Variants in SDK1 observed in about 807,000 individuals in gnomAD.
The protein encoded by SDK1 is sidekick cell adhesion molecule 1.
SDK1 carries 157 observed loss-of-function variants against 245.5 expected under a neutral mutation model. That is an observed-to-expected ratio of 0.64 (90% confidence interval 0.56 to 0.73). The LOEUF is 0.73. Among genes scored for constraint, SDK1 ranks in the 30% least tolerant of loss-of-function variants. The pLI is 0.00. For missense variants in SDK1, 3,583 were observed against 3,002.3 expected (o/e 1.19, Z -4.52); for synonymous variants, 1,647 against 1,278.5 (o/e 1.29, Z -6.15).
intron 4 of SDK1, among the ~76,000 whole-genome samples, chr7:3,769,316 G>T (rs913603361): frequency 2.5e-4 from 38 of 152,120 alleles, no homozygotes; most frequent in African/African-American, 7.5e-4. Flanking sequence ...CCTTTTGTTG[G>T]TGGGGACTCT....
At chr7:3,331,221 A>T (rs556646757) in intron 1 of SDK1, among the ~76,000 whole-genome samples, 1 of 152,102 alleles carries the variant, frequency 6.6e-6, no homozygotes, top group African/African-American at 2.4e-5. Context: ...CCGAGATTGC[A>T]CCACTGCACT....
At chr7:3,813,170 T>A (rs1257697525) in intron 4 of SDK1, among the ~76,000 whole-genome samples, 4 of 150,786 alleles carry the variant, frequency 2.7e-5, no homozygotes, top group Non-Finnish European at 5.9e-5. Flanking sequence ...TGCAGGTTAG[T>A]TACATATGTA....
Position 4,092,998 on chromosome 7 carries a change from CAAG to C in SDK1, c.3324+13418_3324+13420del, listed in dbSNP as rs1342169352. ...ATGCTAACCATTTTTAAAAGTGCAC[CAAG>C]AAGGTTTTATTACTTAGAGTTACCT... On this transcript the variant is annotated intron_variant, in intron 22 of 44. Coordinates refer to ENST00000404826, the MANE Select transcript of SDK1 (RefSeq NM_152744.4). Among the ~76,000 whole-genome samples, 6 of 152,022 alleles carry C rather than the reference CAAG, an allele frequency of 3.9e-5. No individual in the cohort carries two copies. In the East Asian group the frequency reaches 5.8e-4, roughly 15 times the overall value.
intron 1 of SDK1, among the ~76,000 whole-genome samples, chr7:3,303,197 GACTT>G (rs1779327544): frequency 6.6e-6 from 1 of 152,144 alleles, no homozygotes; most frequent in South Asian, 2.1e-4. Context: ...TTTGCTTAAT[GACTT>G]ACTCTGGAAG....
chr7:3,330,881 A>T (rs1018531096), intron 1 of SDK1, among the ~76,000 whole-genome samples: 7 of 146,380 alleles, frequency 4.8e-5, no homozygotes, highest in African/African-American at 1.8e-4. Flanking sequence ...CTGAGTTGGG[A>T]GGATTGCTTG....
chr7:4,229,376 A>T (rs1002008146), intron 40 of SDK1, among the ~76,000 whole-genome samples: 1 of 152,252 alleles, frequency 6.6e-6, no homozygotes, highest in African/African-American at 2.4e-5. Flanking sequence ...CTGTTAATTC[A>T]GAAGGAAATT....
chr7:3,921,936 A>T (rs1779599422), intron 5 of SDK1, among the ~76,000 whole-genome samples: 1 of 152,146 alleles, frequency 6.6e-6, no homozygotes. Context: ...AGTGCACTCC[A>T]GCCTGGGCAA....
intron 4 of SDK1, among the ~76,000 whole-genome samples, chr7:3,699,216 G>C (rs918969850): frequency 1.1e-4 from 16 of 152,212 alleles, no homozygotes. Flanking sequence ...CAGGTTTCTA[G>C]TGAAAATCAT....
chr7:4,107,448 C>T (rs868116824), intron 22 of SDK1, among the ~76,000 whole-genome samples: 68 of 151,824 alleles, frequency 4.5e-4, no homozygotes, highest in African/African-American at 1.5e-3. Context: ...GCTAAATTGA[C>T]GGCCTGAAAT....
chr7:4,085,465 T>C (rs973347867), intron 22 of SDK1, among the ~76,000 whole-genome samples: 1 of 152,232 alleles, frequency 6.6e-6, no homozygotes, highest in Non-Finnish European at 1.5e-5. Flanking sequence ...GTTATCTCGA[T>C]ACAGATTTAA....
intron 1 of SDK1, among the ~76,000 whole-genome samples, chr7:3,329,277 G>A (rs1174457398): frequency 1.3e-5 from 2 of 152,130 alleles, no homozygotes; most frequent in African/African-American, 4.8e-5. Flanking sequence ...TGACTCTGGG[G>A]AAAAGCAGAT....
chr7:4,171,124 G>A (rs184530388), intron 32 of SDK1, among the ~76,000 whole-genome samples: 141 of 152,266 alleles, frequency 9.3e-4, no homozygotes, highest in African/African-American at 3.0e-3. Flanking sequence ...TCCTTGAGCC[G>A]GTGAAGGGGT....
chr7:3,705,954 T>G (rs1784877238), intron 4 of SDK1, among the ~76,000 whole-genome samples: 1 of 152,204 alleles, frequency 6.6e-6, no homozygotes, highest in African/African-American at 2.4e-5. Flanking sequence ...TATGCCTAGT[T>G]TGTTGAGGGT....
intron 4 of SDK1, among the ~76,000 whole-genome samples, chr7:3,686,817 G>A (rs956787503): frequency 2.0e-5 from 3 of 152,144 alleles, no homozygotes; most frequent in East Asian, 1.9e-4. Context: ...AATTTTCTCA[G>A]GATCCCTGTG....
rs577503308 is a variant in SDK1, at chr7:3,662,660, C to T, written c.713+20555C>T. On this transcript the variant is annotated intron_variant, in intron 4 of 44. Coordinates refer to ENST00000404826, the MANE Select transcript of SDK1 (RefSeq NM_152744.4). ...AGCACAACAGCAACAACAGATGTTTCGGGTTCTTTGTCTTCTAAATGTGTC... is the reference window on the plus strand; with the variant it reads ...AGCACAACAGCAACAACAGATGTTTTGGGTTCTTTGTCTTCTAAATGTGTC... Among the ~76,000 whole-genome samples, 10 of 152,254 alleles carry T rather than the reference C, an allele frequency of 6.6e-5. No individual in the cohort carries two copies. In the South Asian group the frequency reaches 8.3e-4, roughly 13 times the overall value.
At chr7:4,056,370 A>T (rs915131071) in intron 19 of SDK1, among the ~76,000 whole-genome samples, 13 of 152,146 alleles carry the variant, frequency 8.5e-5, no homozygotes, top group Admixed American at 4.6e-4. Context: ...GACCACAGTC[A>T]CCTGGTACTG....
chr7:3,604,744 A>G (rs1033799376), intron 1 of SDK1, among the ~76,000 whole-genome samples: 2 of 151,258 alleles, frequency 1.3e-5, no homozygotes, highest in African/African-American at 4.9e-5. Flanking sequence ...CTGGGATTAC[A>G]GGCATGTGTC....
At chr7:3,363,667 A>G (rs951159441) in intron 1 of SDK1, among the ~76,000 whole-genome samples, 5 of 152,188 alleles carry the variant, frequency 3.3e-5, no homozygotes, top group African/African-American at 9.7e-5. Flanking sequence ...GGTTTTCACA[A>G]GAAGCACGCA....
At chr7:3,409,778 T>G (rs1306848862) in intron 1 of SDK1, among the ~76,000 whole-genome samples, 1 of 151,810 alleles carries the variant, frequency 6.6e-6, no homozygotes, top group Non-Finnish European at 1.5e-5. Flanking sequence ...TGTGGTGGGG[T>G]GGAGGGGATT....
Sources: gnomAD v4.1 joint callset for allele counts (sites outside exome capture counted in the v4.1 genomes callset) on GRCh38, gnomAD v4.1.1 for gene constraint, MANE v1.5 for transcripts, NCBI Gene and HGNC (gene_info 2026-07-23, HGNC 2026-07-21) for gene names.